SAMD4B: variants seen among roughly 807,000 people sequenced by gnomAD.
SAMD4B encodes the protein protein Smaug homolog 2.
A neutral mutation model predicts 74.5 loss-of-function variants in SAMD4B; 5 were observed. The observed-to-expected ratio is 0.07, with a 90% CI of 0.04 to 0.14. SAMD4B has a LOEUF of 0.14. Among genes scored for constraint, SAMD4B ranks in the 10% least tolerant of loss-of-function variants. SAMD4B has a pLI of 1.00. For synonymous variants in SAMD4B, 373 were observed against 374.9 expected, an observed-to-expected ratio of 1.00 and a Z score of 0.06; for missense variants, 608 against 921.8, an observed-to-expected ratio of 0.66 and a Z score of 4.41.
In SAMD4B at chr19:39,369,815, C is replaced by A. The variant is rs760706000; in HGVS notation, c.357C>A (p.Ile119=). 80 of 1,614,116 alleles carry A rather than the reference C, an allele frequency of 5.0e-5. 1 individual carries two copies. The South Asian group carries it at 8.7e-4, about 17-fold the overall frequency. The change falls in exon 4 of 14, where the codon ATC becomes ATA. Residue 119 remains isoleucine, a synonymous_variant. Coordinates refer to ENST00000610417, the MANE Select transcript of SAMD4B (RefSeq NM_001384574.2). ...LAYSIESNAF[I]EESRQLLSYA... is the part of the protein sequence containing the mutation. ...ACTCAATCGAGAGCAATGCTTTCAT[C>A]GAGGAGAGTCGCCAGCTGCTTTCCT... is the stretch of plus-strand genomic sequence containing the variant.
intron 2 of SAMD4B, 40 bp from the exon 3 acceptor site, chr19:39,356,648 AG>A: frequency 2.4e-6 from 1 of 413,022 alleles, no homozygotes; most frequent in Non-Finnish European, 4.4e-6. Flanking sequence ...GGCAAGTTTC[AG>A]CCCCTTCTTT....
At chr19:39,363,494 C>T (rs1568353405) in intron 3 of SAMD4B, among the ~76,000 whole-genome samples, 1 of 152,180 alleles carries the variant, frequency 6.6e-6, no homozygotes, top group African/African-American at 2.4e-5. Flanking sequence ...CTGTTCCCAC[C>T]AGCCCTGAAA....
intron 1 of SAMD4B, among the ~76,000 whole-genome samples, chr19:39,344,854 C>T (rs1177665092): frequency 1.3e-5 from 2 of 152,142 alleles, no homozygotes; most frequent in African/African-American, 2.4e-5. Flanking sequence ...CCCCTCTTCC[C>T]TTCAGAGATC....
At chr19:39,379,043 C>CCT (rs143595351) in intron 9 of SAMD4B, among the ~76,000 whole-genome samples, 3 of 151,486 alleles carry the variant, frequency 2.0e-5, no homozygotes, top group Admixed American at 1.3e-4. Context: ...ACACACTCTT[C>CCT]CTCTCTCTCT....
Position 39,383,083 on chromosome 19 carries a change from C to G in SAMD4B, c.1973-125C>G. ...GCCTCTCTCCCTGTCCACCTCCTCCCGTTCTTCCCTCTCCCCCTCCATCTC... is the reference window on the plus strand; with the variant it reads ...GCCTCTCTCCCTGTCCACCTCCTCCGGTTCTTCCCTCTCCCCCTCCATCTC... On this transcript the variant is annotated intron_variant, in intron 12 of 13. Transcript: ENST00000610417. The surrounding 1 kb of genome is among the most constrained non-coding windows in gnomAD (Gnocchi z 4.1). The G allele has an allele frequency of 2.6e-6, 2 of 777,666 alleles. No homozygotes were observed. Among genetic ancestry groups the G allele is most frequent in the Non-Finnish European group, 4.6e-6 (2 of 434,026 alleles). 48.2% of individuals were successfully genotyped at this position (777,666 alleles called of 1,614,324 possible). A position where few individuals can be genotyped will look rare whatever the true frequency, so the allele number is the denominator to read the frequency against.
chr19:39,355,069 C>T (rs1360433666), intron 2 of SAMD4B, among the ~76,000 whole-genome samples: 4 of 152,030 alleles, frequency 2.6e-5, no homozygotes, highest in African/African-American at 2.4e-5. Flanking sequence ...GACGGGATTT[C>T]GCCACTTTGG....
intron 1 of SAMD4B, chr19:39,352,377 A>G (rs564368209): frequency 1.3e-5 from 2 of 150,946 alleles, no homozygotes; most frequent in African/African-American, 2.4e-5. Context: ...GACCACAGGT[A>G]TGTCTTCTTC....
rs139466094 is a variant in SAMD4B at position 39,378,953 on chromosome 19, C to T, written c.1530+364C>T. ...GTTGTATGTGGCCCATAGGGCCTTA[C>T]CTGACGTGGCACATGCCAGCCCTTC... On this transcript the variant is annotated intron_variant, in intron 9 of 13. Transcript: ENST00000610417. The surrounding 1 kb of genome is among the most constrained non-coding windows in gnomAD (Gnocchi z 4.4). Among the ~76,000 whole-genome samples the T allele has an allele frequency of 4.3e-3, 650 of 152,342 alleles. 6 individuals carry two copies. The highest frequency in any genetic ancestry group is 0.033 in the South Asian group (159 of 4,832).
intron 1 of SAMD4B, chr19:39,350,864 C>G (rs1367804986): frequency 1.3e-5 from 2 of 152,304 alleles, no homozygotes; most frequent in African/African-American, 4.8e-5. Context: ...GTGATCCTCC[C>G]AAAGTAGCTG....
downstream of SAMD4B, chr19:39,387,241 T>A: frequency 2.4e-6 from 1 of 408,572 alleles, no homozygotes; most frequent in Non-Finnish European, 5.0e-6. Context: ...CAGGCAATTG[T>A]AATACAATAG....
chr19:39,347,910 G>C (rs2075797191), intron 1 of SAMD4B, among the ~76,000 whole-genome samples: 1 of 152,116 alleles, frequency 6.6e-6, no homozygotes, highest in Admixed American at 6.5e-5. Context: ...TGAAATTCAT[G>C]GAATTTATAT....
downstream of SAMD4B, chr19:39,386,324 C>T (rs2078247819): frequency 1.2e-6 from 2 of 1,614,180 alleles, no homozygotes; most frequent in Non-Finnish European, 1.7e-6. The surrounding 1 kb of genome is among the most constrained non-coding windows in gnomAD (Gnocchi z 6.1). Flanking sequence ...TGTCACCTTC[C>T]TCCCGTTCAC....
At chr19:39,389,786 G>A, downstream of SAMD4B, 1 of 1,613,846 alleles carries the variant, frequency 6.2e-7, no homozygotes, top group Non-Finnish European at 8.5e-7. This position sits in a 1 kb window ranked among gnomAD's most constrained non-coding sequence, Gnocchi z 5.3. Context: ...ACCTATTGTG[G>A]TGTTTGGATT....
At chr19:39,390,286 G>A, downstream of SAMD4B, 1 of 1,612,172 alleles carries the variant, frequency 6.2e-7, no homozygotes, top group East Asian at 2.2e-5. Flanking sequence ...GGTGGGAATT[G>A]GGCCTAGTGG....
At position 39,347,614 on chromosome 19, in the gene SAMD4B, CAG is replaced by C. The variant is rs1555716891; in HGVS notation, c.-267+5039_-267+5040del. Among the ~76,000 whole-genome samples the C allele has an allele frequency of 2.6e-5, 4 of 152,270 alleles. 1 individual carries two copies. Among genetic ancestry groups the C allele is most frequent in the Admixed American group, 1.3e-4 (2 of 15,296 alleles). On this transcript the variant is annotated intron_variant, in intron 1 of 13. Coordinates refer to ENST00000610417, the MANE Select transcript of SAMD4B (RefSeq NM_001384574.2). ...GATCAGCCTGGCTTGATGGTGGCCT[CAG>C]GGGAGCAGAATCCAGGAGTAATGGC...
chr19:39,360,046 C>G (rs950359944), intron 3 of SAMD4B: 12 of 152,066 alleles, frequency 7.9e-5, no homozygotes, highest in African/African-American at 2.9e-4. Context: ...ATTAGCCGGG[C>G]GTCGTGGCGG....
chr19:39,383,400 C>T lies in SAMD4B; in HGVS notation c.2057-99C>T, dbSNP rs1427479136. On this transcript the variant is annotated intron_variant, in intron 13 of 13. Coordinates refer to ENST00000610417, the MANE Select transcript of SAMD4B (RefSeq NM_001384574.2). This position sits in a 1 kb window ranked among gnomAD's most constrained non-coding sequence, Gnocchi z 4.1. ...GGGGTCCCCAGGGGAGGCCAGACTC[C>T]AGGGAGGGCCTGACTGGGATGACAG... 4 of 1,566,092 alleles carry T rather than the reference C, an allele frequency of 2.6e-6. No homozygotes were observed. The highest frequency in any genetic ancestry group is 3.5e-6 in the Non-Finnish European group (4 of 1,136,370).
intron 3 of SAMD4B, among the ~76,000 whole-genome samples, chr19:39,360,879 G>A (rs983821103): frequency 1.3e-5 from 2 of 152,154 alleles, no homozygotes; most frequent in African/African-American, 4.8e-5. Context: ...CTGAGGGTAT[G>A]GGCCTGGGAA....
In SAMD4B at chr19:39,369,785, G is replaced by A. The variant is rs2077180951; in HGVS notation, c.327G>A (p.Leu109=). 1 of 1,614,100 alleles carries A rather than the reference G, an allele frequency of 6.2e-7. No homozygotes were observed. Among genetic ancestry groups the A allele is most frequent in the South Asian group, 1.1e-5 (1 of 91,096 alleles). ...SEYMRLLQKV[L]AYSIESNAFI... Reference sequence around the variant, plus strand: ...ACATGAGGCTACTGCAGAAAGTGCTGGCCTACTCAATCGAGAGCAATGCTT... The same window carrying A: ...ACATGAGGCTACTGCAGAAAGTGCTAGCCTACTCAATCGAGAGCAATGCTT... The change falls in exon 4 of 14, where the codon CTG becomes CTA. Residue 109 remains leucine, a synonymous_variant. Transcript: ENST00000610417.
Sources: allele counts gnomAD v4.1 joint callset (sites outside exome capture counted in the v4.1 genomes callset), GRCh38; gene constraint gnomAD v4.1.1; non-coding constraint Gnocchi (gnomAD v3.1); transcripts MANE v1.5; gene names NCBI Gene and HGNC (gene_info 2026-07-23, HGNC 2026-07-21).